Variants in PDE4D observed in about 807,000 individuals in gnomAD.
PDE4D encodes the protein 3',5'-cyclic-AMP phosphodiesterase 4D.
PDE4D carries 24 observed loss-of-function variants against 87.4 expected under a neutral mutation model. That is an observed-to-expected ratio of 0.27 (90% CI 0.20 to 0.39). The LOEUF (loss-of-function observed/expected upper bound fraction) is 0.39, where lower values mean the gene tolerates loss of function less well. Ranked by LOEUF, PDE4D falls within the 10% of genes least tolerant of loss-of-function variation. The pLI is 1.00. For missense variants in PDE4D, 714 were observed against 1,041.0 expected (o/e 0.69, Z 4.32); for synonymous variants, 384 against 383.2 (o/e 1.00, Z -0.02).
intron 1 of PDE4D, among the ~76,000 whole-genome samples, chr5:60,479,306 T>C (rs1460402797): frequency 6.6e-6 from 1 of 152,204 alleles, no homozygotes. Flanking sequence ...TGCATCATGT[T>C]ATGTACTGAT....
At chr5:59,968,430 G>C (rs1037433899) in intron 3 of PDE4D, among the ~76,000 whole-genome samples, 8 of 152,028 alleles carry the variant, frequency 5.3e-5, no homozygotes, top group African/African-American at 1.9e-4. Flanking sequence ...ACTACTAGAG[G>C]GTAGAGGGAG....
At chr5:60,195,054 C>T (rs535682566) in intron 1 of PDE4D, among the ~76,000 whole-genome samples, 7 of 151,786 alleles carry the variant, frequency 4.6e-5, no homozygotes, top group African/African-American at 1.7e-4. Context: ...TCCCTGTCCT[C>T]TGTCTTGGAC....
chr5:59,628,522 G>A (rs1037713699), intron 1 of PDE4D, among the ~76,000 whole-genome samples: 2 of 152,118 alleles, frequency 1.3e-5, no homozygotes, highest in African/African-American at 4.8e-5. Flanking sequence ...GATAGAGAAT[G>A]AGATTCTTTT....
chr5:59,883,932 T>G (rs181781064), intron 1 of PDE4D, among the ~76,000 whole-genome samples: 23 of 152,160 alleles, frequency 1.5e-4, no homozygotes, highest in Admixed American at 5.9e-4. Context: ...TTGCTTTTTT[T>G]GGGGGGGTAA....
intron 1 of PDE4D, among the ~76,000 whole-genome samples, chr5:59,226,098 T>G (rs190586062): frequency 2.0e-5 from 3 of 152,134 alleles, no homozygotes; most frequent in African/African-American, 7.2e-5. Context: ...TGGAAGTTCC[T>G]CAAAAAATTA....
At chr5:60,123,897 AC>A (rs745633049) in intron 2 of PDE4D, among the ~76,000 whole-genome samples, 46 of 152,314 alleles carry the variant, frequency 3.0e-4, no homozygotes, top group Middle Eastern at 6.8e-3. Flanking sequence ...TTAAACAATT[AC>A]CCCACAACCA....
intron 1 of PDE4D, among the ~76,000 whole-genome samples, chr5:59,302,468 G>A (rs1220694240): frequency 6.6e-6 from 1 of 152,000 alleles, no homozygotes; most frequent in East Asian, 1.9e-4. Context: ...AGATTTTGGT[G>A]CACCCATCAC....
At chr5:60,094,587 G>GTTT (rs1775467989) in intron 2 of PDE4D, among the ~76,000 whole-genome samples, 1 of 95,440 alleles carries the variant, frequency 1.0e-5, no homozygotes, top group African/African-American at 3.8e-5. Context: ...TGAGTGACAT[G>GTTT]CTTTTTTTTT....
intron 5 of PDE4D, among the ~76,000 whole-genome samples, chr5:59,123,707 T>C (rs1465771419): frequency 1.3e-5 from 2 of 152,138 alleles, no homozygotes; most frequent in Non-Finnish European, 2.9e-5. Context: ...AGAAAAAAAG[T>C]ATGCCATTGT....
chr5:59,636,284 A>G (rs914947726), intron 1 of PDE4D, among the ~76,000 whole-genome samples: 7 of 152,230 alleles, frequency 4.6e-5, no homozygotes, highest in Non-Finnish European at 7.3e-5. Flanking sequence ...AAGAATCAAT[A>G]TAGTGAAAAT....
chr5:59,289,256 G>A (rs1218971590), intron 1 of PDE4D, among the ~76,000 whole-genome samples: 1 of 151,982 alleles, frequency 6.6e-6, no homozygotes, highest in African/African-American at 2.4e-5. Context: ...GTTTGTTTAT[G>A]CAATCAGTGT....
intron 1 of PDE4D, among the ~76,000 whole-genome samples, chr5:60,353,755 T>C (rs572328907): frequency 8.5e-5 from 13 of 152,324 alleles, no homozygotes; most frequent in South Asian, 2.1e-4. Context: ...ACTTTTAATG[T>C]GTCATATTAA....
chr5:59,994,741 C>T (rs926396165), intron 2 of PDE4D, among the ~76,000 whole-genome samples: 34 of 152,102 alleles, frequency 2.2e-4, no homozygotes, highest in African/African-American at 6.5e-4. Flanking sequence ...TTGGGGTACA[C>T]GAGCCACAGA....
At chr5:59,471,692 C>G (rs1056019067) in intron 1 of PDE4D, among the ~76,000 whole-genome samples, 1 of 152,206 alleles carries the variant, frequency 6.6e-6, no homozygotes, top group Non-Finnish European at 1.5e-5. Context: ...AAATGCATCA[C>G]CCAAAGGGAA....
intron 1 of PDE4D, among the ~76,000 whole-genome samples, chr5:60,513,037 AAAAGATTTT>A (rs1348915387): frequency 1.3e-5 from 2 of 152,230 alleles, no homozygotes; most frequent in African/African-American, 4.8e-5. Flanking sequence ...AAGAAAGTAA[AAAAGATTTT>A]AAAAAAGGGG....
intron 1 of PDE4D, among the ~76,000 whole-genome samples, chr5:59,427,298 C>T (rs1795410781): frequency 1.2e-5 from 1 of 85,016 alleles, no homozygotes; most frequent in Non-Finnish European, 2.5e-5. Context: ...TTTATACACA[C>T]ACACACACAC....
chr5:60,337,386 T>TAC (rs1370710315), intron 1 of PDE4D, among the ~76,000 whole-genome samples: 54 of 92,120 alleles, frequency 5.9e-4, no homozygotes, highest in Admixed American at 1.4e-3. Flanking sequence ...TATATATATA[T>TAC]ATACACACAC....
chr5:59,190,813 G>A (rs1744138363), intron 3 of PDE4D, among the ~76,000 whole-genome samples: 1 of 152,062 alleles, frequency 6.6e-6, no homozygotes, highest in African/African-American at 2.4e-5. Flanking sequence ...GAAGAGTGGT[G>A]AAACTCTTCA....
At chr5:60,339,900 T>C (rs1003265622) in intron 1 of PDE4D, among the ~76,000 whole-genome samples, 4 of 152,228 alleles carry the variant, frequency 2.6e-5, no homozygotes, top group Admixed American at 6.5e-5. Context: ...GCATGTGCAG[T>C]TGGAAATGTG....
Sources: allele counts gnomAD v4.1 joint callset (sites outside exome capture counted in the v4.1 genomes callset), GRCh38; gene constraint gnomAD v4.1.1; transcripts MANE v1.5; gene names NCBI Gene and HGNC (gene_info 2026-07-23, HGNC 2026-07-21).